The following FAM167B variants were observed in gnomAD, a reference collection of about 807,000 sequenced individuals.
FAM167B encodes protein FAM167B.
A neutral mutation model predicts 15.4 loss-of-function variants in FAM167B; 7 were observed. The ratio of observed to expected loss-of-function variants is 0.46; its 90% CI spans 0.26 to 0.86. FAM167B has a LOEUF of 0.86. Ranked by LOEUF, FAM167B falls within the 40% of genes least tolerant of loss-of-function variation. The pLI is 0.17. For synonymous variants in FAM167B, 100 were observed against 94.6 expected (o/e 1.06, Z -0.33); for missense variants, 207 against 208.3 (o/e 0.99, Z 0.04).
In FAM167B at chr1:32,247,484, G is replaced by A; in HGVS notation, c.63G>A (p.Gly21=). 6.2e-7 allele frequency: 1 copy of A among 1,603,176 alleles called. No individual in the cohort carries two copies. The highest frequency in any genetic ancestry group is 8.5e-7 in the Non-Finnish European group (1 of 1,174,816). The change falls in exon 1 of 2, where the codon GGG becomes GGA. Residue 21 remains glycine, a synonymous_variant. Transcript: ENST00000373582. ...VGEEDEEDEE[G]ESLDSVKALT... is the part of the protein sequence containing the mutation. ...AAGAGGACGAGGAGGATGAGGAGGG[G>A]GAGAGCCTGGACTCTGTGAAGGCAC...
chr1:32,248,817 C>A lies in FAM167B; in HGVS notation c.*216C>A. ...TGGGAGGGGGAGGAGGAGGAGCTCA[C>A]ACCCTCAAACTCCTCAATAAACGCT... On this transcript the variant is annotated 3_prime_UTR_variant, in exon 2 of 2. Transcript: ENST00000373582. 1 of 588,622 alleles carries A rather than the reference C, an allele frequency of 1.7e-6. No individual in the cohort carries two copies. The highest frequency in any genetic ancestry group is 3.0e-6 in the Non-Finnish European group (1 of 332,652). The allele number at this position is 588,622 out of a possible 1,614,324, so 36.5% of individuals were successfully genotyped here. A position where few individuals can be genotyped will look rare whatever the true frequency, so the allele number is the denominator to read the frequency against.
rs763643763 is a variant in FAM167B at position 32,248,387 on chromosome 1, A to C, written c.278A>C (p.Gln93Pro). The change falls in exon 2 of 2, where the codon CAG (glutamine) becomes CCG (proline). Residue 93 changes from glutamine to proline, a missense_variant. By Grantham distance (76) the Gln-to-Pro change is moderately conservative (BLOSUM62 -1). Coordinates refer to ENST00000373582, the MANE Select transcript of FAM167B (RefSeq NM_032648.3). ...LRRELREMQAQDRQLAGQLLR... is the reference protein window; with the variant it reads ...LRRELREMQAPDRQLAGQLLR... ...CGGCCGCAGCGGGAGATGCAGGCGC[A>C]GGACAGGCAGCTGGCAGGGCAGCTG... 3.2e-6 allele frequency: 5 copies of C among 1,584,890 alleles called. No homozygotes were observed. Among genetic ancestry groups the C allele is most frequent in the Non-Finnish European group, 4.3e-6 (5 of 1,171,406 alleles).
chr1:32,247,383 G>A lies in FAM167B; in HGVS notation c.-39G>A. On this transcript the variant is annotated 5_prime_UTR_variant, in exon 1 of 2. Coordinates refer to ENST00000373582, the MANE Select transcript of FAM167B (RefSeq NM_032648.3). ...TACTGCCAGCCTTTCCCTAATCTCAGAGCTGCAGCCCTGCCCTGTCACTCA... is the reference window on the plus strand; with the variant it reads ...TACTGCCAGCCTTTCCCTAATCTCAAAGCTGCAGCCCTGCCCTGTCACTCA... The A allele has an allele frequency of 6.8e-7, 1 of 1,468,100 alleles. No homozygotes were observed. The highest frequency in any genetic ancestry group is 9.0e-7 in the Non-Finnish European group (1 of 1,106,502). 90.9% of individuals were successfully genotyped at this position (1,468,100 alleles called of 1,614,324 possible).
chr1:32,247,623 G>C lies in FAM167B; in HGVS notation c.202G>C (p.Gly68Arg), dbSNP rs989681807. Residue 68 changes from glycine to arginine, a missense_variant, in exon 1 of 2, where the codon GGG (glycine) becomes CGG (arginine). Coordinates refer to ENST00000373582, the MANE Select transcript of FAM167B (RefSeq NM_032648.3). Reference protein sequence around the residue: ...AQAKPGPGGPGDICGFDSMDS... With the variant: ...AQAKPGPGGPRDICGFDSMDS... ...AGCCAAACCTGGACCAGGGGGACCT[G>C]GGGACATCTGTGGTTTCGACTCAAT... The C allele has an allele frequency of 4.6e-6, 7 of 1,520,798 alleles. 1 individual carries two copies. The highest frequency in any genetic ancestry group is 1.8e-4 in the Middle Eastern group (1 of 5,666). 94.2% of individuals were successfully genotyped at this position (1,520,798 alleles called of 1,614,324 possible). A position where few individuals can be genotyped will look rare whatever the true frequency, so the allele number is the denominator to read the frequency against.
Position 32,247,520 on chromosome 1 carries a change from G to A in FAM167B, c.99G>A (p.Lys33=). 1 of 1,608,482 alleles carries A rather than the reference G, an allele frequency of 6.2e-7. No homozygotes were observed. Residue 33 remains lysine (K), a synonymous_variant, in exon 1 of 2, where the codon AAG becomes AAA. Coordinates refer to ENST00000373582, the MANE Select transcript of FAM167B (RefSeq NM_032648.3). ...SLDSVKALTA[K]LQLQTRRPSY... ...ACTCTGTGAAGGCACTGACAGCCAAGCTGCAGCTGCAGACTCGGCGGCCCT... is the reference window on the plus strand; with the variant it reads ...ACTCTGTGAAGGCACTGACAGCCAAACTGCAGCTGCAGACTCGGCGGCCCT...
In FAM167B at chr1:32,247,468, A is replaced by G; in HGVS notation, c.47A>G (p.Glu16Gly). The change falls in exon 1 of 2, where the codon GAG becomes GGG. Residue 16 changes from glutamate (E) to glycine (G), a missense_variant. Transcript: ENST00000373582. ...TTCCAGGCAGTGGGTGAAGAGGACG[A>G]GGAGGATGAGGAGGGGGAGAGCCTG... ...LKFQAVGEEDEEDEEGESLDS... is the reference protein window; with the variant it reads ...LKFQAVGEEDGEDEEGESLDS... 1 of 1,595,482 alleles carries G rather than the reference A, an allele frequency of 6.3e-7. No homozygotes were observed. Among genetic ancestry groups the G allele is most frequent in the Non-Finnish European group, 8.5e-7 (1 of 1,171,044 alleles).
intron 1 of FAM167B, among the ~76,000 whole-genome samples, 193 bp from the exon 2 acceptor site, chr1:32,248,178 T>C (rs532891144): frequency 6.6e-6 from 1 of 152,256 alleles, no homozygotes; most frequent in Non-Finnish European, 1.5e-5. Flanking sequence ...TTGGATTTGC[T>C]TAATAATGAC....
Position 32,248,590 on chromosome 1 carries a change from A to G in FAM167B, c.481A>G (p.Thr161Ala), listed in dbSNP as rs1639439972. ...CATGAACATCAGCGCCCGGCGCTTC[A>G]CCCTCTGCTGAGGAACACCTGTGCC... Reference protein sequence around the residue: ...TRMNISARRFTLC With the variant: ...TRMNISARRFALC Residue 161 changes from threonine to alanine, a missense_variant, in exon 2 of 2, where the codon ACC (threonine) becomes GCC (alanine). Physicochemically the swap from Thr to Ala is moderately conservative, Grantham distance 58. Transcript: ENST00000373582. The G allele has an allele frequency of 6.5e-7, 1 of 1,539,530 alleles. No individual in the cohort carries two copies.
At position 32,248,391 on chromosome 1, in the gene FAM167B, C is replaced by G; in HGVS notation, c.282C>G (p.Asp94Glu). ...CGCAGCGGGAGATGCAGGCGCAGGA[C>G]AGGCAGCTGGCAGGGCAGCTGCTGC... The part of the protein sequence containing the change: ...RRELREMQAQ[D>E]RQLAGQLLRL... The change falls in exon 2 of 2, where the codon GAC becomes GAG. Residue 94 changes from aspartate to glutamate, a missense_variant. By Grantham distance (45) the Asp-to-Glu change is conservative. Transcript: ENST00000373582. 2 of 1,588,758 alleles carry G rather than the reference C, an allele frequency of 1.3e-6. No homozygotes were observed. Among genetic ancestry groups the G allele is most frequent in the Non-Finnish European group, 8.5e-7 (1 of 1,173,038 alleles).
At chr1:32,247,887 T>G (rs1217176750) in intron 1 of FAM167B, among the ~76,000 whole-genome samples, 1 of 152,222 alleles carries the variant, frequency 6.6e-6, no homozygotes, top group Non-Finnish European at 1.5e-5. Context: ...CCATCCAATC[T>G]ACTGACCTTG....
chr1:32,248,445 G>T lies in FAM167B; in HGVS notation c.336G>T (p.Lys112Asn). The T allele has an allele frequency of 6.2e-7, 1 of 1,606,338 alleles. No individual in the cohort carries two copies. Among genetic ancestry groups the T allele is most frequent in the Non-Finnish European group, 8.5e-7 (1 of 1,178,378 alleles). The change falls in exon 2 of 2, where the codon AAG becomes AAT. Residue 112 changes from lysine to asparagine, a missense_variant. Transcript: ENST00000373582. ...TGCGGGCCCAGCTGCACCGACTGAAGATGGACCAAGCCTGTCACCTGCACC... is the reference window on the plus strand; with the variant it reads ...TGCGGGCCCAGCTGCACCGACTGAATATGGACCAAGCCTGTCACCTGCACC... ...LRLRAQLHRL[K>N]MDQACHLHQE...
At position 32,248,490 on chromosome 1, in the gene FAM167B, C is replaced by G; in HGVS notation, c.381C>G (p.Ala127=). The change falls in exon 2 of 2, where the codon GCC becomes GCG. Residue 127 remains alanine (A), a synonymous_variant. Coordinates refer to ENST00000373582, the MANE Select transcript of FAM167B (RefSeq NM_032648.3). ...CHLHQELLDE[A]ELELELEPGA... is the part of the protein sequence containing the mutation. ...TGCACCAGGAGCTGCTGGATGAGGC[C>G]GAGCTGGAGCTGGAGCTGGAGCCCG... 2 of 1,595,926 alleles carry G rather than the reference C, an allele frequency of 1.3e-6. No homozygotes were observed. Among genetic ancestry groups the G allele is most frequent in the South Asian group, 1.1e-5 (1 of 88,178 alleles).
chr1:32,248,434 C>T lies in FAM167B; in HGVS notation c.325C>T (p.His109Tyr), dbSNP rs1337493309. The T allele has an allele frequency of 1.2e-6, 2 of 1,604,278 alleles. No homozygotes were observed. Among genetic ancestry groups the T allele is most frequent in the South Asian group, 2.2e-5 (2 of 89,794 alleles). ...GCTGCTGCGGCTGCGGGCCCAGCTG[C>T]ACCGACTGAAGATGGACCAAGCCTG... The part of the protein sequence containing the change: ...GQLLRLRAQL[H>Y]RLKMDQACHL... The change falls in exon 2 of 2, where the codon CAC becomes TAC. Residue 109 changes from histidine (H) to tyrosine (Y), a missense_variant. Transcript: ENST00000373582.
rs1639419850 is a variant in FAM167B at position 32,247,285 on chromosome 1, T to C, written c.-137T>C. The C allele has an allele frequency of 8.1e-7, 1 of 1,236,186 alleles. No individual in the cohort carries two copies. The highest frequency in any genetic ancestry group is 2.8e-5 in the East Asian group (1 of 35,696). The allele number at this position is 1,236,186 out of a possible 1,614,324, so 76.6% of individuals were successfully genotyped here. A position where few individuals can be genotyped will look rare whatever the true frequency, so the allele number is the denominator to read the frequency against. Reference sequence around the variant, plus strand: ...GCACATTCAGCCCCCCTAACCCACCTTGAACATTGACCACCACACACTCCC... The same window carrying C: ...GCACATTCAGCCCCCCTAACCCACCCTGAACATTGACCACCACACACTCCC... On this transcript the variant is annotated 5_prime_UTR_variant, in exon 1 of 2. Coordinates refer to ENST00000373582, the MANE Select transcript of FAM167B (RefSeq NM_032648.3).
intron 1 of FAM167B, 129 bp from the exon 2 acceptor site, chr1:32,248,242 A>C: frequency 1.4e-6 from 1 of 725,764 alleles, no homozygotes; most frequent in Admixed American, 2.9e-5. Context: ...AGATAGGGAG[A>C]GATCAAGCTG....
intron 1 of FAM167B, 64 bp from the exon 2 acceptor site, chr1:32,248,307 G>GA: frequency 1.4e-6 from 2 of 1,387,930 alleles, no homozygotes; most frequent in Non-Finnish European, 1.9e-6. Context: ...GCGTTGCCAG[G>GA]AAGGGAGAAA....
At chr1:32,248,005 A>T (rs540637750) in intron 1 of FAM167B, among the ~76,000 whole-genome samples, 8 of 152,212 alleles carry the variant, frequency 5.3e-5, no homozygotes, top group Non-Finnish European at 1.2e-4. Context: ...TATGGCCTAA[A>T]GATACAGCGA....
Position 32,248,360 on chromosome 1 carries a change from C to G in FAM167B, c.262-11C>G. The stretch of plus-strand genomic sequence containing the variant: ...CCTGTCCAGTAGGCTCACGCCCCCT[C>G]TCGGCCGCAGCGGGAGATGCAGGCG... On this transcript the variant is annotated splice_polypyrimidine_tract_variant and intron_variant, in intron 1 of 1. Coordinates refer to ENST00000373582, the MANE Select transcript of FAM167B (RefSeq NM_032648.3). 1 of 1,553,724 alleles carries G rather than the reference C, an allele frequency of 6.4e-7. No individual in the cohort carries two copies. The highest frequency in any genetic ancestry group is 8.6e-7 in the Non-Finnish European group (1 of 1,156,202).
rs148824167 is a variant in FAM167B, at chr1:32,248,077, G to A, written c.262-294G>A. ...TTCTGAAGAGGTGAAGTTTCAGTAG[G>A]TGGCTCCCAACTCAACATGTGCAAA... On this transcript the variant is annotated intron_variant, in intron 1 of 1. Transcript: ENST00000373582. Among the ~76,000 whole-genome samples the A allele has an allele frequency of 6.6e-5, 10 of 152,300 alleles. No individual in the cohort carries two copies. The East Asian group carries it at 1.9e-3, about 29-fold the overall frequency.
Sources: gnomAD v4.1 joint callset for allele counts (sites outside exome capture counted in the v4.1 genomes callset) on GRCh38, gnomAD v4.1.1 for gene constraint, MANE v1.5 for transcripts, NCBI Gene and HGNC (gene_info 2026-07-23, HGNC 2026-07-21) for gene names.